Variants in TNFSF8 observed in about 807,000 individuals in gnomAD.
TNFSF8 encodes the protein TNF superfamily member 8.
A neutral mutation model predicts 22.0 loss-of-function variants in TNFSF8; 4 were observed. That is an observed-to-expected ratio of 0.18 (90% confidence interval 0.09 to 0.42). TNFSF8 has a LOEUF of 0.42. Among genes scored for constraint, TNFSF8 ranks in the 10% least tolerant of loss-of-function variants. The pLI is 1.00. For synonymous variants in TNFSF8, 106 were observed against 112.5 expected (o/e 0.94, Z 0.37); for missense variants, 233 against 281.8 (o/e 0.83, Z 1.24).
intron 1 of TNFSF8, among the ~76,000 whole-genome samples, chr9:114,920,730 G>A (rs567721311): frequency 2.4e-4 from 36 of 152,204 alleles, no homozygotes; most frequent in African/African-American, 5.8e-4. Flanking sequence ...GTGCAGTGGC[G>A]CAATCTCGGC....
exon 5 of TNFSF8, chr9:114,893,709 G>C (rs1827627952): frequency 5.4e-6 from 1 of 186,860 alleles, no homozygotes; most frequent in African/African-American, 2.3e-5. Flanking sequence ...GCTGTTGCAT[G>C]ATTGTCAGGT....
chr9:114,928,519 C>T (rs1828091739), intron 1 of TNFSF8, among the ~76,000 whole-genome samples: 1 of 152,152 alleles, frequency 6.6e-6, no homozygotes, highest in South Asian at 2.1e-4. Flanking sequence ...CCCATTTTTC[C>T]ACCATCTCTC....
intron 1 of TNFSF8, among the ~76,000 whole-genome samples, chr9:114,922,431 G>A (rs1331719638): frequency 1.3e-5 from 2 of 152,140 alleles, no homozygotes; most frequent in African/African-American, 4.8e-5. Context: ...AATTCATTGG[G>A]CACTTAATGA....
At position 114,901,301 on chromosome 9, in the gene TNFSF8, A is replaced by G. The variant is rs1827713637; in HGVS notation, c.*2630T>C. The stretch of plus-strand genomic sequence containing the variant: ...GTTGCCTACTCCCTACATATCTATC[A>G]GTTGAGTTATTAATGATTATTCTCT... On this transcript the variant is annotated 3_prime_UTR_variant, in exon 4 of 4. Transcript: ENST00000223795. 1 of 985,386 alleles carries G rather than the reference A, an allele frequency of 1.0e-6. No homozygotes were observed. Among genetic ancestry groups the G allele is most frequent in the African/African-American group, 1.7e-5 (1 of 57,354 alleles). 61.0% of individuals were successfully genotyped at this position (985,386 alleles called of 1,614,324 possible).
At chr9:114,912,924 G>A (rs764303126) in intron 2 of TNFSF8, among the ~76,000 whole-genome samples, 5 of 152,194 alleles carry the variant, frequency 3.3e-5, no homozygotes, top group Non-Finnish European at 7.3e-5. Flanking sequence ...TTATAAAATT[G>A]CAAATGTTAG....
chr9:114,904,380 G>A, intron 3 of TNFSF8, 55 bp from the exon 4 acceptor site: 2 of 1,530,216 alleles, frequency 1.3e-6, no homozygotes. Context: ...GGTACGCATT[G>A]CAAAATTCTA....
chr9:114,929,957 C>A, intron 1 of TNFSF8, 152 bp downstream of exon 1: 1 of 279,618 alleles, frequency 3.6e-6, no homozygotes, highest in Non-Finnish European at 6.4e-6. Flanking sequence ...ACAGTATATA[C>A]TATAGTATAT....
chr9:114,896,678 A>G (rs1827658066), downstream of TNFSF8, among the ~76,000 whole-genome samples: 1 of 152,250 alleles, frequency 6.6e-6, no homozygotes, highest in Non-Finnish European at 1.5e-5. Flanking sequence ...ATTTCTAATC[A>G]CAAAATGACT....
chr9:114,928,067 T>G (rs563765402), intron 1 of TNFSF8, among the ~76,000 whole-genome samples: 2 of 152,328 alleles, frequency 1.3e-5, no homozygotes, highest in African/African-American at 4.8e-5. Context: ...CCACGGCTAC[T>G]ATTAACATGG....
chr9:114,897,920 C>T (rs1319427316), downstream of TNFSF8, among the ~76,000 whole-genome samples: 2 of 152,116 alleles, frequency 1.3e-5, no homozygotes, highest in African/African-American at 4.8e-5. Context: ...CCCAACTCTA[C>T]CGTCCATTGA....
At position 114,901,926 on chromosome 9, in the gene TNFSF8, T is replaced by C. The variant is rs1019075863; in HGVS notation, c.*2005A>G. The stretch of plus-strand genomic sequence containing the variant: ...ACCACCACTGCTGATTTGTTCTTTC[T>C]TTTTTTCTTTTAAATCTTTTCTAGC... On this transcript the variant is annotated 3_prime_UTR_variant, in exon 4 of 4. Transcript: ENST00000223795. 2 of 981,818 alleles carry C rather than the reference T, an allele frequency of 2.0e-6. No individual in the cohort carries two copies. 60.8% of individuals were successfully genotyped at this position (981,818 alleles called of 1,614,324 possible).
downstream of TNFSF8, among the ~76,000 whole-genome samples, chr9:114,897,314 C>T (rs78979200): frequency 9.3e-3 from 1,403 of 150,914 alleles, 23 homozygotes; most frequent in African/African-American, 0.033. Context: ...TTCCTTAAAA[C>T]GGACTTATGT....
At position 114,902,014 on chromosome 9, in the gene TNFSF8, A is replaced by G. The variant is rs928452625; in HGVS notation, c.*1917T>C. The stretch of plus-strand genomic sequence containing the variant: ...TTCTCTCCTTCTTGAGAAAAATGCA[A>G]ATTTTGCTCCATGTTTTGGTATAGC... On this transcript the variant is annotated 3_prime_UTR_variant, in exon 4 of 4. Coordinates refer to ENST00000223795, the MANE Select transcript of TNFSF8 (RefSeq NM_001244.4). 1 of 985,364 alleles carries G rather than the reference A, an allele frequency of 1.0e-6. No individual in the cohort carries two copies. Among genetic ancestry groups the G allele is most frequent in the Non-Finnish European group, 1.2e-6 (1 of 829,914 alleles). 61.0% of individuals were successfully genotyped at this position (985,364 alleles called of 1,614,324 possible). A position where few individuals can be genotyped will look rare whatever the true frequency, so the allele number is the denominator to read the frequency against.
chr9:114,914,771 C>T (rs969467313), intron 2 of TNFSF8, among the ~76,000 whole-genome samples: 1 of 152,168 alleles, frequency 6.6e-6, no homozygotes, highest in African/African-American at 2.4e-5. Flanking sequence ...GAAAGGTTCT[C>T]CTCCCAGGCG....
chr9:114,897,922 G>A (rs551583153), downstream of TNFSF8, among the ~76,000 whole-genome samples: 3 of 152,192 alleles, frequency 2.0e-5, no homozygotes, highest in South Asian at 4.1e-4. Context: ...CAACTCTACC[G>A]TCCATTGACT....
At position 114,894,790 on chromosome 9, in the gene TNFSF8, TGAG is replaced by T. The variant is rs200180135; in HGVS notation, c.410-629_410-627del. ...TAAGTAAACACATCAAAGTAATGAATGAGGAGGATGAAAAGACCAGATGCAATT... is the reference window on the plus strand; with the variant it reads ...TAAGTAAACACATCAAAGTAATGAATGAGGATGAAAAGACCAGATGCAATT... On this transcript the variant is annotated intron_variant, in intron 4 of 4. Transcript: ENST00000618336. 3.2e-4 allele frequency among the ~76,000 whole-genome samples: 48 copies of T among 152,298 alleles called. No homozygotes were observed. In the East Asian group the frequency reaches 7.5e-3, roughly 24 times the overall value.
chr9:114,923,327 G>A (rs929048098), intron 1 of TNFSF8, among the ~76,000 whole-genome samples: 7 of 152,212 alleles, frequency 4.6e-5, no homozygotes, highest in African/African-American at 1.7e-4. Flanking sequence ...AATAAATTTG[G>A]AAGGAGTGAC....
downstream of TNFSF8, among the ~76,000 whole-genome samples, chr9:114,896,601 G>A (rs866870757): frequency 6.6e-6 from 1 of 152,046 alleles, no homozygotes; most frequent in African/African-American, 2.4e-5. Context: ...ACCTAAATAT[G>A]TACACTATTT....
At chr9:114,929,973 T>G (rs566037643) in intron 1 of TNFSF8, 136 bp downstream of exon 1, 43,383 of 345,088 alleles carry the variant, frequency 0.13, 3,690 homozygotes, top group Admixed American at 0.19. Flanking sequence ...TATATATATA[T>G]ATATAGAGAG....
Sources: gnomAD v4.1 joint callset for allele counts (sites outside exome capture counted in the v4.1 genomes callset) on GRCh38, gnomAD v4.1.1 for gene constraint, MANE v1.5 for transcripts, NCBI Gene and HGNC (gene_info 2026-07-23, HGNC 2026-07-21) for gene names.